The following CAMK2D variants were observed in gnomAD, a reference collection of about 807,000 sequenced individuals.
The protein encoded by CAMK2D is calcium/calmodulin-dependent protein kinase type II subunit delta.
A neutral mutation model predicts 84.0 loss-of-function variants in CAMK2D; 37 were observed. That is an observed-to-expected ratio of 0.44 (90% CI 0.34 to 0.58). The LOEUF is 0.58. Among genes scored for constraint, CAMK2D ranks in the 20% least tolerant of loss-of-function variants. The pLI is 0.02. For synonymous variants in CAMK2D, 202 were observed against 212.5 expected, an observed-to-expected ratio of 0.95 and a Z score of 0.43; for missense variants, 448 against 652.5, an observed-to-expected ratio of 0.69 and a Z score of 3.41.
intron 3 of CAMK2D, among the ~76,000 whole-genome samples, chr4:113,653,210 T>G (rs2099183101): frequency 6.6e-6 from 1 of 152,090 alleles, no homozygotes; most frequent in Non-Finnish European, 1.5e-5. Context: ...TTAGAATTTT[T>G]TGAACATATT....
At chr4:113,681,085 C>A (rs1334884137) in intron 2 of CAMK2D, among the ~76,000 whole-genome samples, 2 of 152,166 alleles carry the variant, frequency 1.3e-5, no homozygotes, top group African/African-American at 4.8e-5. Context: ...TTTACTGAAG[C>A]AAATATTGTA....
chr4:113,557,534 T>C (rs1042030392), intron 4 of CAMK2D, among the ~76,000 whole-genome samples: 5 of 152,184 alleles, frequency 3.3e-5, no homozygotes, highest in Non-Finnish European at 5.9e-5. Context: ...TGAAAGTAAG[T>C]GGTCTTTCTG....
chr4:113,747,949 C>T (rs2099608350), intron 2 of CAMK2D, among the ~76,000 whole-genome samples: 1 of 152,100 alleles, frequency 6.6e-6, no homozygotes, highest in African/African-American at 2.4e-5. Flanking sequence ...TTCTCAAGTT[C>T]AGTCTTTATT....
At chr4:113,642,765 T>C (rs1334346352) in intron 3 of CAMK2D, among the ~76,000 whole-genome samples, 3 of 151,778 alleles carry the variant, frequency 2.0e-5, no homozygotes, top group African/African-American at 7.3e-5. Context: ...GGAGTCGCGC[T>C]CTGCTAGAAA....
At chr4:113,613,395 T>A (rs2099008695) in intron 3 of CAMK2D, among the ~76,000 whole-genome samples, 1 of 151,982 alleles carries the variant, frequency 6.6e-6, no homozygotes, top group Admixed American at 6.6e-5. Context: ...AAATACCTGG[T>A]GGGATATGAA....
chr4:113,487,552 T>TTTAA (rs1241617691), intron 16 of CAMK2D, among the ~76,000 whole-genome samples: 1 of 152,032 alleles, frequency 6.6e-6, no homozygotes, highest in African/African-American at 2.4e-5. Flanking sequence ...CAAATATTAA[T>TTTAA]TTAATTTTAG....
At chr4:113,477,639 G>A (rs761005321) in intron 16 of CAMK2D, among the ~76,000 whole-genome samples, 8 of 151,832 alleles carry the variant, frequency 5.3e-5, no homozygotes, top group African/African-American at 1.5e-4. Context: ...CCAGCTACTC[G>A]GGAGGCTGAG....
intron 16 of CAMK2D, among the ~76,000 whole-genome samples, chr4:113,497,447 C>T (rs2097953241): frequency 1.3e-5 from 2 of 152,182 alleles, no homozygotes; most frequent in South Asian, 2.1e-4. Flanking sequence ...GAAAATGGGC[C>T]TTTAAATCTT....
intron 5 of CAMK2D, chr4:113,548,761 G>A (rs1370668657): frequency 4.5e-6 from 5 of 1,118,490 alleles, no homozygotes; most frequent in South Asian, 2.6e-5. Context: ...ATGGAAGGGA[G>A]AACATTTTAA....
chr4:113,513,343 T>C lies in CAMK2D; in HGVS notation c.931A>G (p.Thr311Ala), dbSNP rs779507600. 6.2e-7 allele frequency: 1 copy of C among 1,613,482 alleles called. No homozygotes were observed. Among genetic ancestry groups the C allele is most frequent in the South Asian group, 1.1e-5 (1 of 91,060 alleles). ...KGAILTTMLA[T>A]RNFSAAKSLL... is the part of the protein sequence containing the mutation. Reference sequence around the variant, plus strand: ...ATGCATGTACCTGAGAAATTCCTTGTAGCCAGCATAGTTGTCAAGATGGCA... The same window carrying C: ...ATGCATGTACCTGAGAAATTCCTTGCAGCCAGCATAGTTGTCAAGATGGCA... The change falls in exon 12 of 21, where the codon ACA becomes GCA. Residue 311 changes from threonine to alanine, a missense_variant. Physicochemically the swap from Thr to Ala is moderately conservative, Grantham distance 58 (BLOSUM62 0). Around this residue, in one of 7 missense-constraint regions of CAMK2D, gnomAD observed 69 missense variants for 175.6 expected, o/e 0.39. Coordinates refer to ENST00000511664, the MANE Select transcript of CAMK2D (RefSeq NM_001321571.2).
intron 2 of CAMK2D, among the ~76,000 whole-genome samples, chr4:113,674,089 T>C (rs1346280637): frequency 6.6e-6 from 1 of 152,172 alleles, no homozygotes; most frequent in African/African-American, 2.4e-5. Flanking sequence ...CTTTCACAAT[T>C]CCATGTCCAA....
chr4:113,505,588 C>CAT (rs1203912810), intron 13 of CAMK2D, among the ~76,000 whole-genome samples: 1,270 of 126,220 alleles, frequency 0.01, no homozygotes, highest in Admixed American at 0.018. Flanking sequence ...TAGATCTCCT[C>CAT]TAAAAATTAC....
At chr4:113,702,790 C>A (rs2099425494) in intron 2 of CAMK2D, among the ~76,000 whole-genome samples, 1 of 152,068 alleles carries the variant, frequency 6.6e-6, no homozygotes, top group Non-Finnish European at 1.5e-5. Context: ...CACCTGTAAT[C>A]CCAGCTACTC....
intron 3 of CAMK2D, among the ~76,000 whole-genome samples, chr4:113,656,343 G>A (rs2099200248): frequency 6.6e-6 from 1 of 152,074 alleles, no homozygotes; most frequent in Non-Finnish European, 1.5e-5. Context: ...GGATCATGTG[G>A]ACCACACCAA....
At chr4:113,536,092 C>T (rs1251070832) in intron 7 of CAMK2D, among the ~76,000 whole-genome samples, 1 of 152,066 alleles carries the variant, frequency 6.6e-6, no homozygotes, top group East Asian at 1.9e-4. Context: ...TAATCTAGGC[C>T]CTACCTTCGT....
At chr4:113,733,623 T>C (rs762711534) in intron 2 of CAMK2D, among the ~76,000 whole-genome samples, 27 of 152,324 alleles carry the variant, frequency 1.8e-4, no homozygotes, top group Non-Finnish European at 3.4e-4. Context: ...TGCCTTTCTA[T>C]TGATGCTTTG....
chr4:113,704,629 G>A (rs2099436741), intron 2 of CAMK2D, among the ~76,000 whole-genome samples: 1 of 152,066 alleles, frequency 6.6e-6, no homozygotes, highest in Admixed American at 6.6e-5. Flanking sequence ...AGAAGGGAGA[G>A]AGTGATTGCA....
intron 2 of CAMK2D, among the ~76,000 whole-genome samples, chr4:113,757,736 G>A (rs905597285): frequency 1.3e-5 from 2 of 152,130 alleles, no homozygotes; most frequent in African/African-American, 2.4e-5. Context: ...AACACTGGTG[G>A]AGTAGCAAGG....
chr4:113,678,807 T>C (rs1378283341), intron 2 of CAMK2D, among the ~76,000 whole-genome samples: 1 of 152,152 alleles, frequency 6.6e-6, no homozygotes, highest in African/African-American at 2.4e-5. Flanking sequence ...ATTTTTTGAA[T>C]ATTTAAGTAT....
Sources: gnomAD v4.1 joint callset for allele counts (sites outside exome capture counted in the v4.1 genomes callset) on GRCh38, gnomAD v4.1.1 for gene constraint, gnomAD v4.1.1 regional missense constraint, MANE v1.5 for transcripts, NCBI Gene and HGNC (gene_info 2026-07-23, HGNC 2026-07-21) for gene names.